KCNMA1: variants seen among roughly 807,000 people sequenced by gnomAD.
KCNMA1 encodes Calcium-activated potassium channel subunit alpha-1.
KCNMA1 carries 29 observed loss-of-function variants against 140.0 expected under a neutral mutation model. The observed-to-expected ratio is 0.21, with a 90% CI of 0.15 to 0.28. The LOEUF (loss-of-function observed/expected upper bound fraction) is 0.28. Among genes scored for constraint, KCNMA1 ranks in the 10% least tolerant of loss-of-function variants. KCNMA1 has a pLI of 1.00. For synonymous variants in KCNMA1, 612 were observed against 611.9 expected, an observed-to-expected ratio of 1.00 and a Z score of 0.00; for missense variants, 880 against 1,602.2, an observed-to-expected ratio of 0.55 and a Z score of 7.70.
intron 14 of KCNMA1, among the ~76,000 whole-genome samples, chr10:77,067,097 G>C (rs1440253499): frequency 6.6e-6 from 1 of 152,122 alleles, no homozygotes; most frequent in Non-Finnish European, 1.5e-5. Flanking sequence ...CATTATTCTG[G>C]GTGTGTCTTT....
intron 1 of KCNMA1, among the ~76,000 whole-genome samples, chr10:77,432,349 C>T (rs1030523716): frequency 1.3e-5 from 2 of 152,206 alleles, no homozygotes; most frequent in Admixed American, 6.5e-5. Context: ...CTCTGTTATG[C>T]TCTTCGTAAA....
rs562174427 is a variant in KCNMA1 at position 77,344,606 on chromosome 10, C to T, written c.540+59256G>A. Among the ~76,000 whole-genome samples, 7 of 151,322 alleles carry T rather than the reference C, an allele frequency of 4.6e-5. No homozygotes were observed. The East Asian group carries it at 1.4e-3, about 29-fold the overall frequency. On this transcript the variant is annotated intron_variant, in intron 2 of 27. Coordinates refer to ENST00000286628, the MANE Select transcript of KCNMA1 (RefSeq NM_001161352.2). The stretch of plus-strand genomic sequence containing the variant: ...CTCTATTTTTTTTTTTGGGTAAATT[C>T]CAAAGACTTGCATATTTCATATTTT...
chr10:77,185,682 A>G (rs2098844032), intron 3 of KCNMA1, among the ~76,000 whole-genome samples: 1 of 150,420 alleles, frequency 6.6e-6, no homozygotes, highest in Non-Finnish European at 1.5e-5. Context: ...ACTCTACTTC[A>G]AGAGTCGCCA....
At chr10:77,466,410 C>T (rs958023122) in intron 1 of KCNMA1, among the ~76,000 whole-genome samples, 7 of 152,174 alleles carry the variant, frequency 4.6e-5, no homozygotes, top group African/African-American at 1.2e-4. Context: ...AGAGCCCAAA[C>T]GATGCTCACT....
chr10:77,085,194 C>T (rs1425707103), intron 11 of KCNMA1, among the ~76,000 whole-genome samples: 2 of 152,180 alleles, frequency 1.3e-5, no homozygotes, highest in East Asian at 3.8e-4. Context: ...ACCTTTTTCA[C>T]ATCTTCATTT....
intron 1 of KCNMA1, among the ~76,000 whole-genome samples, chr10:77,478,212 G>A (rs1439538734): frequency 1.3e-5 from 2 of 152,242 alleles, no homozygotes; most frequent in Non-Finnish European, 2.9e-5. Flanking sequence ...GTGGCAAAGA[G>A]TCTGTACTGG....
chr10:77,205,970 T>C (rs2043975426), intron 3 of KCNMA1, among the ~76,000 whole-genome samples: 1 of 152,202 alleles, frequency 6.6e-6, no homozygotes, highest in African/African-American at 2.4e-5. Context: ...TATTTGTTTA[T>C]TATGAGCAAC....
chr10:77,376,938 A>AAAAT (rs947862490), intron 2 of KCNMA1, among the ~76,000 whole-genome samples: 7 of 47,558 alleles, frequency 1.5e-4, no homozygotes, highest in African/African-American at 3.9e-4. Context: ...ATTCCCTCTC[A>AAAAT]AAATAAATAA....
chr10:77,237,852 G>C (rs533709920), intron 3 of KCNMA1, among the ~76,000 whole-genome samples: 1 of 152,298 alleles, frequency 6.6e-6, no homozygotes, highest in Non-Finnish European at 1.5e-5. Context: ...AGAGGAGGGA[G>C]TTGGCAATGT....
intron 23 of KCNMA1, among the ~76,000 whole-genome samples, chr10:76,921,470 T>C (rs2152521458): frequency 6.6e-6 from 1 of 152,336 alleles, no homozygotes; most frequent in South Asian, 2.1e-4. Context: ...ATTTAACACA[T>C]GATTGGCAAC....
chr10:77,454,585 T>C (rs1010604393), intron 1 of KCNMA1, among the ~76,000 whole-genome samples: 3 of 152,242 alleles, frequency 2.0e-5, no homozygotes, highest in African/African-American at 7.2e-5. Flanking sequence ...CTAAGTTAGA[T>C]GACTCCTCAT....
rs1021838389 is a variant in KCNMA1, at chr10:76,953,915, G to C, written c.2370C>G (p.Pro790=). 6.2e-7 allele frequency: 1 copy of C among 1,614,092 alleles called. No individual in the cohort carries two copies. Reference sequence around the variant, plus strand: ...TCTGATCATTGCCAGGAATTAACAAGGGGTCATGCCTGGGAAGAAAAGGAC... The same window carrying C: ...TCTGATCATTGCCAGGAATTAACAACGGGTCATGCCTGGGAAGAAAAGGAC... The part of the protein sequence containing the change: ...NTSPKLMRHD[P]LLIPGNDQID... Residue 790 remains proline (P), a synonymous_variant, in exon 21 of 28, where the codon CCC becomes CCG. Transcript: ENST00000286628.
intron 19 of KCNMA1, among the ~76,000 whole-genome samples, chr10:76,971,374 A>G (rs775107397): frequency 1.3e-5 from 2 of 152,210 alleles, no homozygotes; most frequent in Non-Finnish European, 2.9e-5. Flanking sequence ...CATGCATTAT[A>G]TGGTACTTCC....
At chr10:77,013,189 T>C (rs1197794560) in intron 17 of KCNMA1, among the ~76,000 whole-genome samples, 4 of 152,182 alleles carry the variant, frequency 2.6e-5, no homozygotes, top group Non-Finnish European at 5.9e-5. Context: ...TTGGCACTCA[T>C]TGGAAACCAA....
At chr10:77,410,160 C>T (rs572104088) in intron 1 of KCNMA1, among the ~76,000 whole-genome samples, 2 of 152,294 alleles carry the variant, frequency 1.3e-5, no homozygotes, top group Admixed American at 6.5e-5. Flanking sequence ...GCAGGTCCCC[C>T]GTTGTCACCC....
chr10:77,027,723 G>T, intron 16 of KCNMA1, 100 bp downstream of exon 16: 1 of 962,390 alleles, frequency 1.0e-6, no homozygotes, highest in Non-Finnish European at 1.7e-6. Flanking sequence ...GTTCCATGCA[G>T]ATAAATAATG....
rs576579478 is a variant in KCNMA1, at chr10:77,384,825, G to A, written c.540+19037C>T. On this transcript the variant is annotated intron_variant, in intron 2 of 27. Coordinates refer to ENST00000286628, the MANE Select transcript of KCNMA1 (RefSeq NM_001161352.2). Reference sequence around the variant, plus strand: ...TCTTTCTGGAGCCACGTATGTTTGAGATCTTCCCATTCATTCATTCTTTCC... The same window carrying A: ...TCTTTCTGGAGCCACGTATGTTTGAAATCTTCCCATTCATTCATTCTTTCC... Among the ~76,000 whole-genome samples the A allele has an allele frequency of 2.1e-4, 32 of 152,326 alleles. No individual in the cohort carries two copies. In the South Asian group the frequency reaches 6.6e-3, roughly 32 times the overall value.
intron 2 of KCNMA1, among the ~76,000 whole-genome samples, chr10:77,393,656 G>A (rs1369845356): frequency 2.0e-5 from 3 of 152,218 alleles, no homozygotes; most frequent in African/African-American, 7.2e-5. Flanking sequence ...TTCCCAAGAT[G>A]GGTGTCCCAG....
chr10:77,349,454 C>T (rs1329996940), intron 2 of KCNMA1, among the ~76,000 whole-genome samples: 1 of 152,184 alleles, frequency 6.6e-6, no homozygotes, highest in East Asian at 1.9e-4. Flanking sequence ...TCCATCCTCC[C>T]ATCGACTGGG....
Sources: gnomAD v4.1 joint callset for allele counts (sites outside exome capture counted in the v4.1 genomes callset) on GRCh38, gnomAD v4.1.1 for gene constraint, MANE v1.5 for transcripts, NCBI Gene and HGNC (gene_info 2026-07-23, HGNC 2026-07-21) for gene names.